LPP: variants seen among roughly 807,000 people sequenced by gnomAD.
The protein encoded by LPP is lipoma-preferred partner.
A neutral mutation model predicts 60.4 loss-of-function variants in LPP; 38 were observed. The ratio of observed to expected loss-of-function variants is 0.63; its 90% CI spans 0.49 to 0.83. The LOEUF is 0.83. Ranked by LOEUF, LPP falls within the 40% of genes least tolerant of loss-of-function variation. The pLI, the probability that LPP is intolerant of heterozygous loss-of-function variation, is 0.00. For synonymous variants in LPP, 328 were observed against 290.8 expected, an observed-to-expected ratio of 1.13 and a Z score of -1.30; for missense variants, 902 against 783.6, an observed-to-expected ratio of 1.15 and a Z score of -1.80.
chr3:188,606,244 A>G (rs561781265), intron 6 of LPP, among the ~76,000 whole-genome samples: 3 of 152,196 alleles, frequency 2.0e-5, no homozygotes, highest in South Asian at 2.1e-4. Context: ...CTGCAATTAC[A>G]TGGGGCCATG....
At chr3:188,675,641 C>A (rs535905030) in intron 7 of LPP, among the ~76,000 whole-genome samples, 1 of 152,138 alleles carries the variant, frequency 6.6e-6, no homozygotes, top group Admixed American at 6.6e-5. Flanking sequence ...GTCATGTAAC[C>A]GTTCAGGCCC....
chr3:188,230,387 T>A (rs1719454858), intron 2 of LPP, among the ~76,000 whole-genome samples: 1 of 152,174 alleles, frequency 6.6e-6, no homozygotes, highest in African/African-American at 2.4e-5. Flanking sequence ...TGGTACACAT[T>A]TATTAATCAC....
At chr3:188,284,850 G>C (rs941025036) in intron 2 of LPP, among the ~76,000 whole-genome samples, 4 of 152,144 alleles carry the variant, frequency 2.6e-5, no homozygotes, top group Non-Finnish European at 5.9e-5. Context: ...GGAGTTTTAG[G>C]TTTCACTGTT....
chr3:188,766,251 C>A (rs527785441), intron 9 of LPP, among the ~76,000 whole-genome samples: 35 of 151,948 alleles, frequency 2.3e-4, no homozygotes, highest in Admixed American at 2.1e-3. Context: ...AGCCTTTTCC[C>A]AGAAAATTTT....
At chr3:188,765,921 A>G (rs1449415929) in intron 9 of LPP, among the ~76,000 whole-genome samples, 1 of 120,962 alleles carries the variant, frequency 8.3e-6, no homozygotes, top group Non-Finnish European at 1.6e-5. Flanking sequence ...CCCAGGCTGG[A>G]GTGCAGTGGT....
intron 2 of LPP, among the ~76,000 whole-genome samples, chr3:188,284,951 C>A (rs1454438245): frequency 1.3e-5 from 2 of 152,030 alleles, no homozygotes; most frequent in Non-Finnish European, 2.9e-5. Context: ...CGGTTCAGAG[C>A]TGACTTTCTG....
At chr3:188,210,382 G>A (rs929986355) in intron 1 of LPP, among the ~76,000 whole-genome samples, 1 of 152,168 alleles carries the variant, frequency 6.6e-6, no homozygotes, top group African/African-American at 2.4e-5. Flanking sequence ...CGTGAAGCAA[G>A]GGATGGAAGG....
intron 3 of LPP, among the ~76,000 whole-genome samples, chr3:188,379,753 T>C (rs552534919): frequency 1.3e-5 from 2 of 152,342 alleles, no homozygotes; most frequent in Admixed American, 1.3e-4. Context: ...TTCATCTATG[T>C]TGCAGCATGA....
At chr3:188,711,166 C>G (rs988327752) in intron 8 of LPP, 2 of 152,110 alleles carry the variant, frequency 1.3e-5, no homozygotes, top group Non-Finnish European at 2.9e-5. Context: ...AACAATAGAA[C>G]GTATGTCACT....
chr3:188,519,907 C>G (rs1030985950), intron 5 of LPP, among the ~76,000 whole-genome samples: 1 of 152,128 alleles, frequency 6.6e-6, no homozygotes, highest in African/African-American at 2.4e-5. Context: ...GCTGGTACTC[C>G]TCGTCTATCA....
chr3:188,735,415 C>T (rs1038680537), intron 8 of LPP, among the ~76,000 whole-genome samples: 3 of 151,872 alleles, frequency 2.0e-5, no homozygotes, highest in African/African-American at 7.3e-5. Flanking sequence ...AAGTCTTGCT[C>T]TCATCCCCCA....
chr3:188,754,222 A>G (rs577908781), intron 8 of LPP, among the ~76,000 whole-genome samples: 2 of 152,332 alleles, frequency 1.3e-5, no homozygotes, highest in Middle Eastern at 3.4e-3. Flanking sequence ...AATTAATATA[A>G]GTAAACCACT....
At chr3:188,563,480 G>GTGTGTGTGTGTGTGTGTA (rs1560569197) in intron 6 of LPP, among the ~76,000 whole-genome samples, 6 of 139,174 alleles carry the variant, frequency 4.3e-5, no homozygotes, top group Non-Finnish European at 9.5e-5. Flanking sequence ...GTGTGTGTGT[G>GTGTGTGTGTGTGTGTGTA]TGTGTGGTAT....
intron 4 of LPP, among the ~76,000 whole-genome samples, chr3:188,463,672 C>G (rs949021911): frequency 2.0e-5 from 3 of 152,146 alleles, no homozygotes; most frequent in African/African-American, 7.2e-5. Context: ...TCTTCTCTGG[C>G]AGAGACCATA....
At chr3:188,431,927 T>C (rs551640878) in intron 4 of LPP, among the ~76,000 whole-genome samples, 1 of 152,188 alleles carries the variant, frequency 6.6e-6, no homozygotes, top group African/African-American at 2.4e-5. Flanking sequence ...CCTCAGTATA[T>C]TCCTCTGACA....
chr3:188,281,910 A>C (rs949744577), intron 2 of LPP, among the ~76,000 whole-genome samples: 16 of 152,174 alleles, frequency 1.1e-4, no homozygotes, highest in Non-Finnish European at 1.9e-4. Context: ...GTTACTCCGA[A>C]TTGCAGTCAC....
intron 4 of LPP, among the ~76,000 whole-genome samples, chr3:188,462,789 C>T (rs1350065770): frequency 1.3e-5 from 2 of 151,362 alleles, no homozygotes; most frequent in Non-Finnish European, 2.9e-5. Flanking sequence ...ATAATTTACC[C>T]ATTTTTCCAA....
chr3:188,772,683 C>T (rs1162394504), intron 9 of LPP, among the ~76,000 whole-genome samples: 2 of 152,050 alleles, frequency 1.3e-5, no homozygotes, highest in Non-Finnish European at 2.9e-5. Context: ...TTAGTAGAGA[C>T]GGGGTTTCAC....
chr3:188,509,869 T>TTTC (rs1560498041), intron 5 of LPP, among the ~76,000 whole-genome samples: 3 of 61,534 alleles, frequency 4.9e-5, no homozygotes, highest in Non-Finnish European at 7.4e-5. Flanking sequence ...ATTTTTTTTT[T>TTTC]GTTGTTTTTT....
Sources: allele counts gnomAD v4.1 joint callset (sites outside exome capture counted in the v4.1 genomes callset), GRCh38; gene constraint gnomAD v4.1.1; transcripts MANE v1.5; gene names NCBI Gene and HGNC (gene_info 2026-07-23, HGNC 2026-07-21).